Variants in PPP6R2 observed in about 807,000 individuals in gnomAD.
The protein encoded by PPP6R2 is serine/threonine-protein phosphatase 6 regulatory subunit 2.
Under a neutral mutation model 100.2 loss-of-function variants are expected in PPP6R2, and 62 were observed. The ratio of observed to expected loss-of-function variants is 0.62; its 90% confidence interval spans 0.50 to 0.76. The LOEUF is 0.76. Ranked by LOEUF, PPP6R2 falls within the 30% of genes least tolerant of loss-of-function variation. The pLI is 0.00. For missense variants in PPP6R2, 1,142 were observed against 1,276.3 expected (o/e 0.89, Z 1.60); for synonymous variants, 525 against 514.7 (o/e 1.02, Z -0.27).
the PPP6R2 span, among the ~76,000 whole-genome samples, chr22:50,335,824 T>G: frequency 1.0e-4 from 15 of 143,078 alleles, 2 homozygotes; most frequent in East Asian, 6.3e-4. Context: ...TACAGGCACC[T>G]GCCACCACGC....
At chr22:50,399,506 G>A (rs1006768797) in intron 3 of PPP6R2, among the ~76,000 whole-genome samples, 1 of 152,254 alleles carries the variant, frequency 6.6e-6, no homozygotes, top group African/African-American at 2.4e-5. Context: ...TAGCCTTGGA[G>A]GTCAGGGTTC....
rs772005083 is a variant in PPP6R2 at position 50,443,856 on chromosome 22, T to C, written c.2580-10T>C. The C allele has an allele frequency of 6.4e-7, 1 of 1,565,936 alleles. No individual in the cohort carries two copies. Among genetic ancestry groups the C allele is most frequent in the East Asian group, 2.4e-5 (1 of 42,502 alleles). On this transcript the variant is annotated splice_polypyrimidine_tract_variant and intron_variant, in intron 22 of 23. Transcript: ENST00000612753. Reference sequence around the variant, plus strand: ...GGTGCCCGTAACCGGAGTCCATGTTTGCCACACAGGGTCGGGTGTGCTGAC... The same window carrying C: ...GGTGCCCGTAACCGGAGTCCATGTTCGCCACACAGGGTCGGGTGTGCTGAC...
chr22:50,438,183 G>T lies in PPP6R2; in HGVS notation c.1849G>T (p.Ala617Ser), dbSNP rs201604809. Residue 617 changes from alanine (A) to serine (S), a missense_variant, in exon 18 of 24, where the codon GCT (alanine) becomes TCT (serine). Coordinates refer to ENST00000612753, the MANE Select transcript of PPP6R2 (RefSeq NM_001242898.2). ...GCGTTTTACTCTGCAGCCCAGCGCA[G>T]CTCTGTTTGAGGCCTGCTGCAGTGA... ...IDADEDSPSAALFEACCSDRI... is the reference protein window; with the variant it reads ...IDADEDSPSASLFEACCSDRI... 4 of 1,613,072 alleles carry T rather than the reference G, an allele frequency of 2.5e-6. No homozygotes were observed. The African/African-American group carries it at 4.0e-5, about 16-fold the overall frequency.
intron 6 of PPP6R2, among the ~76,000 whole-genome samples, chr22:50,418,512 G>A (rs923054296): frequency 6.6e-6 from 1 of 151,666 alleles, no homozygotes; most frequent in Non-Finnish European, 1.5e-5. Context: ...TCAGCCAACC[G>A]AGTAGCTGGG....
intron 10 of PPP6R2, among the ~76,000 whole-genome samples, chr22:50,429,294 G>A (rs1375587334): frequency 6.6e-6 from 1 of 152,052 alleles, no homozygotes; most frequent in Non-Finnish European, 1.5e-5. Flanking sequence ...GCCTCCCAAA[G>A]TGTTGGGATT....
chr22:50,347,529 T>C (rs2044067281), intron 1 of PPP6R2, among the ~76,000 whole-genome samples: 1 of 152,014 alleles, frequency 6.6e-6, no homozygotes, highest in African/African-American at 2.4e-5. Flanking sequence ...TGCACCGTAC[T>C]GTCCCCCGAC....
At chr22:50,405,952 A>G (rs1167534614) in intron 3 of PPP6R2, among the ~76,000 whole-genome samples, 1 of 131,218 alleles carries the variant, frequency 7.6e-6, no homozygotes, top group Non-Finnish European at 1.6e-5. Context: ...GAGAGAGGTG[A>G]GAGGCCTGGA....
chr22:50,430,339 A>G (rs980058941), intron 10 of PPP6R2, among the ~76,000 whole-genome samples: 1 of 152,192 alleles, frequency 6.6e-6, no homozygotes, highest in Admixed American at 6.6e-5. Flanking sequence ...GACGATATGC[A>G]CACGCCTGCC....
At chr22:50,422,403 GA>G (rs1487132783) in intron 9 of PPP6R2, 23 bp downstream of exon 9, 1 of 1,612,814 alleles carries the variant, frequency 6.2e-7, no homozygotes, top group Non-Finnish European at 8.5e-7. Context: ...GGCGACTGCT[GA>G]GTGCCTTTGG....
At chr22:50,433,063 C>G (rs11091017) in intron 12 of PPP6R2, among the ~76,000 whole-genome samples, 59,760 of 152,242 alleles carry the variant, frequency 0.39, 12,239 homozygotes, top group East Asian at 0.74. Flanking sequence ...AGAGCAGTGT[C>G]TGTTTCCTCA....
chr22:50,428,783 T>C (rs2062633996), intron 10 of PPP6R2, among the ~76,000 whole-genome samples: 1 of 152,234 alleles, frequency 6.6e-6, no homozygotes, highest in African/African-American at 2.4e-5. Context: ...AATTTTACTT[T>C]TGCCTTTACC....
chr22:50,359,394 A>AT (rs2047332591), intron 1 of PPP6R2, among the ~76,000 whole-genome samples: 1 of 151,544 alleles, frequency 6.6e-6, no homozygotes. Context: ...AATTTTTTGT[A>AT]TTTTTAGTAG....
chr22:50,427,968 C>T (rs911025837), intron 10 of PPP6R2, among the ~76,000 whole-genome samples: 1 of 152,232 alleles, frequency 6.6e-6, no homozygotes, highest in Non-Finnish European at 1.5e-5. Context: ...GATCCGCCCA[C>T]CTTGGCCTCC....
intron 1 of PPP6R2, among the ~76,000 whole-genome samples, chr22:50,365,552 G>A (rs1024301503): frequency 5.3e-5 from 8 of 151,652 alleles, no homozygotes; most frequent in East Asian, 2.0e-4. Context: ...GGTGGCGGGC[G>A]CCTGTAGTCC....
At chr22:50,349,262 C>A (rs2148022049) in intron 1 of PPP6R2, among the ~76,000 whole-genome samples, 2 of 146,120 alleles carry the variant, frequency 1.4e-5, no homozygotes, top group South Asian at 4.3e-4. Context: ...TGCTCGGACA[C>A]TGAGGTGGCA....
intron 4 of PPP6R2, among the ~76,000 whole-genome samples, chr22:50,409,907 TAGTGG>T (rs2059504679): frequency 6.6e-6 from 1 of 152,126 alleles, no homozygotes; most frequent in Admixed American, 6.6e-5. Context: ...TTATATTTTT[TAGTGG>T]AGACAGAGTT....
intron 1 of PPP6R2, among the ~76,000 whole-genome samples, chr22:50,348,012 C>A (rs1601995587): frequency 6.6e-6 from 1 of 152,258 alleles, no homozygotes; most frequent in South Asian, 2.1e-4. Flanking sequence ...AGCTTTGAGA[C>A]AAATTGGGGG....
intron 1 of PPP6R2, among the ~76,000 whole-genome samples, chr22:50,356,791 C>T (rs954129271): frequency 1.3e-5 from 2 of 151,778 alleles, no homozygotes; most frequent in Non-Finnish European, 2.9e-5. Context: ...AAAAATTAGC[C>T]GGCCATGGTG....
upstream of PPP6R2, among the ~76,000 whole-genome samples, chr22:50,340,235 GGT>G (rs755605358): frequency 0.013 from 994 of 77,854 alleles, 39 homozygotes; most frequent in South Asian, 0.029. Flanking sequence ...TATGGTATGT[GGT>G]GTGTGTGGTG....
Sources: gnomAD v4.1 joint callset for allele counts (sites outside exome capture counted in the v4.1 genomes callset) on GRCh38, gnomAD v4.1.1 for gene constraint, MANE v1.5 for transcripts, NCBI Gene and HGNC (gene_info 2026-07-23, HGNC 2026-07-21) for gene names.